The following NETO1 variants were observed in gnomAD, a reference collection of about 807,000 sequenced individuals.
The protein encoded by NETO1 is neuropilin and tolloid-like protein 1.
NETO1 carries 26 observed loss-of-function variants against 61.3 expected under a neutral mutation model. The observed-to-expected ratio is 0.42, with a 90% CI of 0.31 to 0.59. NETO1 has a LOEUF of 0.59. Among genes scored for constraint, NETO1 ranks in the 20% least tolerant of loss-of-function variants. The probability of loss-of-function intolerance (pLI) is 0.12; values close to 1 mark genes in which losing one functional copy is unlikely to be tolerated. For missense variants in NETO1, 531 were observed against 662.8 expected (o/e 0.80, Z 2.18); for synonymous variants, 225 against 225.8 (o/e 1.00, Z 0.03).
At chr18:72,816,281 G>A (rs1485081214) in intron 4 of NETO1, among the ~76,000 whole-genome samples, 1 of 152,280 alleles carries the variant, frequency 6.6e-6, no homozygotes. Flanking sequence ...AAGCATTCAT[G>A]CAACTTCTCA....
intron 4 of NETO1, among the ~76,000 whole-genome samples, chr18:72,804,705 G>C (rs957482703): frequency 6.6e-6 from 1 of 152,090 alleles, no homozygotes; most frequent in Non-Finnish European, 1.5e-5. Context: ...ATGAGCACAC[G>C]TCACTTCCTG....
chr18:72,786,162 C>T (rs8097917), intron 6 of NETO1, among the ~76,000 whole-genome samples: 3,788 of 152,194 alleles, frequency 0.025, 165 homozygotes, highest in African/African-American at 0.085. Context: ...ATATGACAGA[C>T]ATTTAAGCGT....
At chr18:72,790,782 G>A (rs895012341) in intron 6 of NETO1, among the ~76,000 whole-genome samples, 9 of 152,032 alleles carry the variant, frequency 5.9e-5, no homozygotes, top group African/African-American at 1.9e-4. Flanking sequence ...GAAGATTGCT[G>A]CCATGTCCTT....
chr18:72,843,847 A>G (rs1022255009), intron 4 of NETO1, among the ~76,000 whole-genome samples: 1 of 152,198 alleles, frequency 6.6e-6, no homozygotes, highest in Admixed American at 6.5e-5. Flanking sequence ...AGAGGCTAGG[A>G]CTGAATAAAA....
chr18:72,781,284 A>C (rs757168744), intron 7 of NETO1, among the ~76,000 whole-genome samples: 2 of 152,200 alleles, frequency 1.3e-5, no homozygotes, highest in Non-Finnish European at 2.9e-5. Flanking sequence ...TCCCGAAGAC[A>C]GATAAGAATA....
intron 4 of NETO1, among the ~76,000 whole-genome samples, chr18:72,851,831 GTAAT>G (rs2074259669): frequency 6.6e-6 from 1 of 152,160 alleles, no homozygotes; most frequent in Non-Finnish European, 1.5e-5. Context: ...AATATGTGAT[GTAAT>G]TAAAGTTATA....
chr18:72,759,929 G>T (rs1330287523), intron 7 of NETO1, among the ~76,000 whole-genome samples: 1 of 152,152 alleles, frequency 6.6e-6, no homozygotes, highest in Non-Finnish European at 1.5e-5. Context: ...AGTTTCCAGG[G>T]TCACAAGAGG....
intron 1 of NETO1, 182 bp from the exon 2 acceptor site, chr18:72,865,423 G>T: frequency 3.6e-6 from 4 of 1,106,546 alleles, no homozygotes; most frequent in Non-Finnish European, 5.2e-6. Flanking sequence ...GAAACCTTGG[G>T]ACTCCCTTAA....
chr18:72,763,530 G>A (rs1032894810), intron 7 of NETO1, among the ~76,000 whole-genome samples: 10 of 151,998 alleles, frequency 6.6e-5, no homozygotes, highest in Non-Finnish European at 1.5e-4. Context: ...GTGCTGGCCT[G>A]TGTGGGCACA....
chr18:72,765,065 A>C (rs2071108493), intron 7 of NETO1, among the ~76,000 whole-genome samples: 1 of 152,182 alleles, frequency 6.6e-6, no homozygotes, highest in Non-Finnish European at 1.5e-5. Context: ...ACTTTGTTGA[A>C]GACACCCCAA....
In NETO1 at chr18:72,804,808, A is replaced by G. The variant is rs1429042289; in HGVS notation, c.470-10404T>C. Among the ~76,000 whole-genome samples, 3 of 152,204 alleles carry G rather than the reference A, an allele frequency of 2.0e-5. No homozygotes were observed. The East Asian group carries it at 5.8e-4, about 29-fold the overall frequency. On this transcript the variant is annotated intron_variant, in intron 4 of 10. Coordinates refer to ENST00000327305, the MANE Select transcript of NETO1 (RefSeq NM_138966.5). ...TCAACGCACAGCTCGACTACCTAAC[A>G]GGATAGTCTTAGAAAACAATAGTTT... is the stretch of plus-strand genomic sequence containing the variant.
At chr18:72,767,548 T>G (rs1424364916) in intron 7 of NETO1, among the ~76,000 whole-genome samples, 3 of 152,224 alleles carry the variant, frequency 2.0e-5, no homozygotes, top group Non-Finnish European at 2.9e-5. Flanking sequence ...AAAATTAACT[T>G]TAAATTTTAA....
Position 72,867,551 on chromosome 18 carries a change from C to G in NETO1, c.-260G>C. 2.8e-6 allele frequency: 1 copy of G among 361,928 alleles called. No individual in the cohort carries two copies. Among genetic ancestry groups the G allele is most frequent in the East Asian group, 4.0e-5 (1 of 25,278 alleles). The allele number at this position is 361,928 out of a possible 1,614,324, so 22.4% of individuals were successfully genotyped here. On this transcript the variant is annotated 5_prime_UTR_variant, in exon 1 of 11. Transcript: ENST00000327305. ...CAGCGCCGCGCAGCCAGCAGCATCC[C>G]CACCGTGACGCTCGCATCACACCCG...
intron 4 of NETO1, among the ~76,000 whole-genome samples, chr18:72,804,518 C>T (rs2072612457): frequency 6.6e-6 from 1 of 152,162 alleles, no homozygotes; most frequent in African/African-American, 2.4e-5. Flanking sequence ...AAAAATACAA[C>T]TTGTTTTGAT....
intron 4 of NETO1, among the ~76,000 whole-genome samples, chr18:72,827,512 AG>A (rs2145357395): frequency 6.6e-6 from 1 of 152,272 alleles, no homozygotes; most frequent in Admixed American, 6.5e-5. Flanking sequence ...CAAGATTGCA[AG>A]AAACTGTCCA....
intron 4 of NETO1, among the ~76,000 whole-genome samples, chr18:72,828,404 G>C (rs2073458745): frequency 8.4e-6 from 1 of 119,624 alleles, no homozygotes; most frequent in South Asian, 2.6e-4. Flanking sequence ...AAATCTTGGA[G>C]TTTGCAATTA....
chr18:72,829,067 C>T (rs2073486597), intron 4 of NETO1, among the ~76,000 whole-genome samples: 1 of 152,076 alleles, frequency 6.6e-6, no homozygotes, highest in Non-Finnish European at 1.5e-5. Context: ...AAAAGGAACA[C>T]TCCAATTACC....
intron 6 of NETO1, among the ~76,000 whole-genome samples, chr18:72,792,942 C>T (rs1599009203): frequency 6.6e-6 from 1 of 152,244 alleles, no homozygotes; most frequent in East Asian, 1.9e-4. Flanking sequence ...TTAAGATTCA[C>T]CAAGATCCTG....
intron 4 of NETO1, among the ~76,000 whole-genome samples, chr18:72,817,697 C>T (rs1316726174): frequency 6.6e-6 from 1 of 152,236 alleles, no homozygotes; most frequent in Non-Finnish European, 1.5e-5. Flanking sequence ...ACAAATAGTG[C>T]TTCACTTCCA....
Sources: gnomAD v4.1 joint callset for allele counts (sites outside exome capture counted in the v4.1 genomes callset) on GRCh38, gnomAD v4.1.1 for gene constraint, MANE v1.5 for transcripts, NCBI Gene and HGNC (gene_info 2026-07-23, HGNC 2026-07-21) for gene names.